Variants in PIAS2 observed in about 807,000 individuals in gnomAD.
PIAS2 encodes E3 SUMO-protein ligase PIAS2.
A neutral mutation model predicts 69.7 loss-of-function variants in PIAS2; 19 were observed. That is an observed-to-expected ratio of 0.27 (90% CI 0.19 to 0.40). The LOEUF (loss-of-function observed/expected upper bound fraction) is 0.40. PIAS2 is among the 10% of genes least tolerant of loss of function. PIAS2 has a pLI of 1.00. For missense variants in PIAS2, 624 were observed against 757.0 expected, an observed-to-expected ratio of 0.82 and a Z score of 2.06; for synonymous variants, 261 against 263.2, an observed-to-expected ratio of 0.99 and a Z score of 0.08.
In PIAS2 at chr18:46,844,680, T is replaced by C. The variant is rs936250787; in HGVS notation, c.967+54A>G. On this transcript the variant is annotated intron_variant, in intron 7 of 13. Coordinates refer to ENST00000585916, the MANE Select transcript of PIAS2 (RefSeq NM_004671.5). Reference sequence around the variant, plus strand: ...ATTTAAAGCATTAAAGTATCTCATATGCTCAATCTTTTTTTTTTTTTTTAA... The same window carrying C: ...ATTTAAAGCATTAAAGTATCTCATACGCTCAATCTTTTTTTTTTTTTTTAA... 1.4e-4 allele frequency: 93 copies of C among 651,096 alleles called. No individual in the cohort carries two copies. The African/African-American group carries it at 1.6e-3, about 11-fold the overall frequency. The allele number at this position is 651,096 out of a possible 1,614,324, so 40.3% of individuals were successfully genotyped here.
chr18:46,845,776 G>T (rs1198226821), intron 6 of PIAS2, among the ~76,000 whole-genome samples: 1 of 151,900 alleles, frequency 6.6e-6, no homozygotes, highest in Non-Finnish European at 1.5e-5. Flanking sequence ...CCCAACTTAT[G>T]GTGTAAATTC....
chr18:46,909,508 A>C (rs1213780041), intron 1 of PIAS2, among the ~76,000 whole-genome samples: 1 of 152,196 alleles, frequency 6.6e-6, no homozygotes, highest in Non-Finnish European at 1.5e-5. Context: ...ATGGCCTCCC[A>C]AAGTGCTAGG....
chr18:46,898,526 T>C (rs1673024162), intron 1 of PIAS2, among the ~76,000 whole-genome samples: 1 of 152,106 alleles, frequency 6.6e-6, no homozygotes, highest in Non-Finnish European at 1.5e-5. Context: ...GACAATCCAC[T>C]GAAAAATTTA....
At chr18:46,918,311 C>A (rs1276935284), upstream of PIAS2, among the ~76,000 whole-genome samples, 1 of 152,108 alleles carries the variant, frequency 6.6e-6, no homozygotes, top group Non-Finnish European at 1.5e-5. Context: ...TTGGGTGGAA[C>A]CCACACACGA....
chr18:46,908,852 T>C (rs904159179), intron 1 of PIAS2, among the ~76,000 whole-genome samples: 1 of 152,046 alleles, frequency 6.6e-6, no homozygotes, highest in Non-Finnish European at 1.5e-5. Flanking sequence ...CTATTAAAAA[T>C]ACAAATATTA....
rs188878465 is a variant in PIAS2 at position 46,870,484 on chromosome 18, C to T, written c.500-6236G>A. ...CAAAAAAATTAGCCAGACGTGGTGA[C>T]GGGCGCCTGTAGTCCCAGCTACTTG... On this transcript the variant is annotated intron_variant, in intron 2 of 13. Transcript: ENST00000585916. Among the ~76,000 whole-genome samples the T allele has an allele frequency of 8.7e-3, 1,324 of 151,842 alleles. 12 individuals are homozygous for T. Among genetic ancestry groups the T allele is most frequent in the East Asian group, 0.014 (70 of 5,140 alleles).
intron 2 of PIAS2, among the ~76,000 whole-genome samples, chr18:46,884,126 C>G (rs2052739426): frequency 1.3e-5 from 2 of 152,036 alleles, no homozygotes; most frequent in Admixed American, 1.3e-4. Flanking sequence ...AGTGATTTAA[C>G]TCAGAAAAGA....
At chr18:46,873,272 T>A (rs762958709) in intron 2 of PIAS2, among the ~76,000 whole-genome samples, 3 of 152,210 alleles carry the variant, frequency 2.0e-5, no homozygotes, top group Non-Finnish European at 4.4e-5. Flanking sequence ...TAACCACTGA[T>A]AATTCACTTA....
intron 2 of PIAS2, among the ~76,000 whole-genome samples, chr18:46,865,460 A>C (rs1205811552): frequency 6.6e-6 from 1 of 151,210 alleles, no homozygotes. Context: ...GAATCGCTTG[A>C]ACCTGGGAGG....
At chr18:46,864,769 C>CAAA (rs61248600) in intron 2 of PIAS2, among the ~76,000 whole-genome samples, 11 of 124,294 alleles carry the variant, frequency 8.8e-5, no homozygotes, top group African/African-American at 3.0e-4. Flanking sequence ...AACTCCATCT[C>CAAA]AAAAAAAAAA....
At chr18:46,841,317 C>T (rs1449145593) in intron 8 of PIAS2, among the ~76,000 whole-genome samples, 10 of 152,168 alleles carry the variant, frequency 6.6e-5, no homozygotes, top group Non-Finnish European at 1.2e-4. Context: ...TATTCTATCA[C>T]CCTACACTAT....
At chr18:46,844,374 T>A (rs917344966) in intron 7 of PIAS2, among the ~76,000 whole-genome samples, 12 of 152,062 alleles carry the variant, frequency 7.9e-5, no homozygotes, top group Non-Finnish European at 1.8e-4. Flanking sequence ...ATGTAAGACT[T>A]AAGAACAAAA....
chr18:46,888,576 A>G (rs1336083809), intron 2 of PIAS2, among the ~76,000 whole-genome samples: 1 of 152,160 alleles, frequency 6.6e-6, no homozygotes, highest in Non-Finnish European at 1.5e-5. Flanking sequence ...AACAGTCACA[A>G]CCTTTTTGGC....
chr18:46,822,736 G>A (rs554950572), intron 11 of PIAS2, among the ~76,000 whole-genome samples: 2 of 152,236 alleles, frequency 1.3e-5, no homozygotes, highest in East Asian at 1.9e-4. Context: ...GAGTTTATAT[G>A]AGAAACTGGA....
chr18:46,900,534 C>T (rs1022130425), intron 1 of PIAS2, among the ~76,000 whole-genome samples: 5 of 151,560 alleles, frequency 3.3e-5, no homozygotes, highest in East Asian at 1.9e-4. Context: ...TTAATTACCA[C>T]GGCTTGGTGG....
At chr18:46,917,559 T>C (rs1440215999), upstream of PIAS2, 8 of 1,108,310 alleles carry the variant, frequency 7.2e-6, no homozygotes, top group African/African-American at 1.0e-4. Context: ...CCCCTAGCGG[T>C]GCCCCCTGCC....
intron 1 of PIAS2, among the ~76,000 whole-genome samples, chr18:46,916,043 C>T (rs1208527415): frequency 6.6e-6 from 1 of 152,182 alleles, no homozygotes; most frequent in East Asian, 1.9e-4. Context: ...CCTTTACCTA[C>T]ACTTATGGTT....
At chr18:46,886,442 A>C (rs1338894606) in intron 2 of PIAS2, among the ~76,000 whole-genome samples, 1 of 152,266 alleles carries the variant, frequency 6.6e-6, no homozygotes, top group African/African-American at 2.4e-5. Flanking sequence ...AAAACAAATT[A>C]GGGAAATACG....
chr18:46,823,267 T>C (rs1357872667), intron 11 of PIAS2, among the ~76,000 whole-genome samples: 3 of 151,978 alleles, frequency 2.0e-5, no homozygotes, highest in African/African-American at 7.2e-5. Context: ...GTGTTTTTTT[T>C]TTCTCTGCCA....
Sources: allele counts gnomAD v4.1 joint callset (sites outside exome capture counted in the v4.1 genomes callset), GRCh38; gene constraint gnomAD v4.1.1; transcripts MANE v1.5; gene names NCBI Gene and HGNC (gene_info 2026-07-23, HGNC 2026-07-21).